Variants in CKMT2 observed in about 807,000 individuals in gnomAD.
The protein encoded by CKMT2 is creatine kinase S-type, mitochondrial.
A neutral mutation model predicts 48.9 loss-of-function variants in CKMT2; 43 were observed. The observed-to-expected ratio is 0.88, with a 90% CI of 0.69 to 1.13. The LOEUF (loss-of-function observed/expected upper bound fraction) is 1.13. Among genes scored for constraint, CKMT2 ranks in the 50% most tolerant of loss-of-function variants. The pLI is 0.00. For synonymous variants in CKMT2, 206 were observed against 213.0 expected, an observed-to-expected ratio of 0.97 and a Z score of 0.29; for missense variants, 472 against 555.4, an observed-to-expected ratio of 0.85 and a Z score of 1.51.
intron 2 of CKMT2, chr5:81,251,941 C>T (rs1430713879): frequency 6.5e-6 from 1 of 152,976 alleles, no homozygotes; most frequent in African/African-American, 2.4e-5. Context: ...TAAACAGTGC[C>T]CAAGTTCACA....
intron 5 of CKMT2, among the ~76,000 whole-genome samples, chr5:81,256,441 T>C (rs1757013288): frequency 6.6e-6 from 1 of 152,248 alleles, no homozygotes; most frequent in African/African-American, 2.4e-5. Context: ...ATGGTAACTA[T>C]ATTTATTGAT....
intron 1 of CKMT2, chr5:81,244,705 C>T (rs1756549278): frequency 2.0e-5 from 3 of 152,300 alleles, no homozygotes; most frequent in African/African-American, 7.2e-5. Context: ...CTCTCATTGC[C>T]CTTCCTCTTC....
Position 81,257,809 on chromosome 5 carries a change from G to C in CKMT2, c.832G>C (p.Gly278Arg). 1 of 1,613,752 alleles carries C rather than the reference G, an allele frequency of 6.2e-7. No homozygotes were observed. Among genetic ancestry groups the C allele is most frequent in the African/African-American group, 1.3e-5 (1 of 75,022 alleles). The change falls in exon 7 of 10, where the codon GGC becomes CGC. Residue 278 changes from glycine to arginine, a missense_variant. Gly to Arg is a moderately radical substitution (Grantham distance 125). Transcript: ENST00000254035. The stretch of plus-strand genomic sequence containing the variant: ...CAGGGTAATCTCAATGGAAAAAGGA[G>C]GCAATATGAAACGAGTATTTGAGCG... ...HTRVISMEKG[G>R]NMKRVFERFC...
chr5:81,265,373 C>T (rs1757352928), intron 9 of CKMT2, among the ~76,000 whole-genome samples: 1 of 152,140 alleles, frequency 6.6e-6, no homozygotes, highest in South Asian at 2.1e-4. Context: ...TATGTGATGC[C>T]TGAGAGCTAA....
intron 1 of CKMT2, among the ~76,000 whole-genome samples, chr5:81,249,214 C>T (rs1396308246): frequency 3.3e-5 from 5 of 152,170 alleles, no homozygotes; most frequent in Admixed American, 6.5e-5. Flanking sequence ...CCACCACACC[C>T]AGCTAATTAA....
Position 81,254,441 on chromosome 5 carries a change from G to T in CKMT2, c.397G>T (p.Gly133Cys). The change falls in exon 4 of 10, where the codon GGC becomes TGC. Residue 133 changes from glycine to cysteine, a missense_variant. Physicochemically the swap from Gly to Cys is radical, Grantham distance 159. Coordinates refer to ENST00000254035, the MANE Select transcript of CKMT2 (RefSeq NM_001099735.2). ...FDPVIKLRHNGYDPRVMKHTT... is the reference protein window; with the variant it reads ...FDPVIKLRHNCYDPRVMKHTT... ...CCCCGTCATCAAACTAAGACACAAC[G>T]GCTATGACCCCAGGGTGATGAAGCA... The T allele has an allele frequency of 1.2e-6, 2 of 1,614,092 alleles. No individual in the cohort carries two copies. Among genetic ancestry groups the T allele is most frequent in the African/African-American group, 2.7e-5 (2 of 75,012 alleles).
intron 8 of CKMT2, among the ~76,000 whole-genome samples, chr5:81,259,561 A>G (rs1052996523): frequency 6.6e-6 from 1 of 152,062 alleles, no homozygotes; most frequent in Non-Finnish European, 1.5e-5. Flanking sequence ...CATCTCTCCT[A>G]GTTCAAGCAG....
chr5:81,261,969 G>T (rs1299132680), intron 8 of CKMT2, among the ~76,000 whole-genome samples: 1 of 152,160 alleles, frequency 6.6e-6, no homozygotes, highest in Non-Finnish European at 1.5e-5. Flanking sequence ...AACTAAAACA[G>T]CATGGTACTT....
intron 1 of CKMT2, among the ~76,000 whole-genome samples, chr5:81,236,528 A>AGACTCCT (rs1342219407): frequency 3.9e-5 from 6 of 152,208 alleles, no homozygotes; most frequent in Non-Finnish European, 7.3e-5. Context: ...TCCCTTACAT[A>AGACTCCT]ATGCATGGCT....
Position 81,259,180 on chromosome 5 carries a change from A to G in CKMT2, c.940A>G (p.Ile314Val). 6.2e-7 allele frequency: 1 copy of G among 1,614,098 alleles called. No individual in the cohort carries two copies. The change falls in exon 8 of 10, where the codon ATT becomes GTT. Residue 314 changes from isoleucine to valine, a missense_variant. Physicochemically the swap from Ile to Val is conservative, Grantham distance 29. Transcript: ENST00000254035. ...EFMWNERLGY[I>V]LTCPSNLGTG... Reference sequence around the variant, plus strand: ...CATGTGGAATGAGCGCCTAGGATACATTTTGACCTGTCCTTCGAACCTTGG... The same window carrying G: ...CATGTGGAATGAGCGCCTAGGATACGTTTTGACCTGTCCTTCGAACCTTGG...
chr5:81,254,917 C>CG, intron 4 of CKMT2, 76 bp from the exon 5 acceptor site: 2 of 1,221,388 alleles, frequency 1.6e-6, no homozygotes, highest in Non-Finnish European at 2.4e-6. Flanking sequence ...TGCAGATTGG[C>CG]GATTAGAACC....
At chr5:81,242,236 C>G in intron 1 of CKMT2, 1 of 241,802 alleles carries the variant, frequency 4.1e-6, no homozygotes, top group Non-Finnish European at 8.1e-6. Context: ...GATAGGATTT[C>G]AAAATCCATG....
At chr5:81,239,579 T>C (rs1007469950) in intron 1 of CKMT2, among the ~76,000 whole-genome samples, 11 of 152,162 alleles carry the variant, frequency 7.2e-5, no homozygotes, top group African/African-American at 2.4e-4. Flanking sequence ...TCCACTCGAA[T>C]CCTTTGCAGG....
At chr5:81,244,056 T>C (rs1756528489) in intron 1 of CKMT2, 1 of 985,300 alleles carries the variant, frequency 1.0e-6, no homozygotes, top group Non-Finnish European at 1.2e-6. Context: ...AAGGAAATGT[T>C]TCCCTTTGTC....
chr5:81,246,304 G>A (rs987293098), intron 1 of CKMT2, among the ~76,000 whole-genome samples: 1 of 151,724 alleles, frequency 6.6e-6, no homozygotes, highest in Non-Finnish European at 1.5e-5. Context: ...CATCCTTTCC[G>A]AAGTCCACTG....
At chr5:81,256,567 C>T (rs748895328) in intron 5 of CKMT2, among the ~76,000 whole-genome samples, 3 of 152,182 alleles carry the variant, frequency 2.0e-5, no homozygotes, top group Non-Finnish European at 2.9e-5. Flanking sequence ...ATTCATTGCT[C>T]GCTCAGCCAT....
At chr5:81,256,205 T>C (rs1383023817) in intron 5 of CKMT2, among the ~76,000 whole-genome samples, 1 of 152,188 alleles carries the variant, frequency 6.6e-6, no homozygotes, top group Non-Finnish European at 1.5e-5. Flanking sequence ...AATTTTGATA[T>C]GTGGAGTAGT....
intron 1 of CKMT2, chr5:81,242,408 A>C (rs1352442010): frequency 3.9e-6 from 2 of 514,056 alleles, no homozygotes; most frequent in African/African-American, 3.9e-5. Flanking sequence ...CTACTACACA[A>C]CTGCAACCAA....
At chr5:81,234,251 T>G (rs1756189305) in intron 1 of CKMT2, among the ~76,000 whole-genome samples, 2 of 152,156 alleles carry the variant, frequency 1.3e-5, no homozygotes, top group Admixed American at 1.3e-4. Context: ...TGCTGCCCTT[T>G]AGACCTTCCA....
Sources: allele counts gnomAD v4.1 joint callset (sites outside exome capture counted in the v4.1 genomes callset), GRCh38; gene constraint gnomAD v4.1.1; transcripts MANE v1.5; gene names NCBI Gene and HGNC (gene_info 2026-07-23, HGNC 2026-07-21).